Variants in KIAA1549L observed in about 807,000 individuals in gnomAD.
The protein encoded by KIAA1549L is UPF0606 protein KIAA1549L.
In KIAA1549L, 88 loss-of-function variants were observed where a neutral mutation model predicts 160.7. The ratio of observed to expected loss-of-function variants is 0.55; its 90% CI spans 0.46 to 0.65. The LOEUF (loss-of-function observed/expected upper bound fraction) is 0.65, where lower values mean the gene tolerates loss of function less well. KIAA1549L is among the 30% of genes least tolerant of loss of function. The probability of loss-of-function intolerance (pLI) is 0.00; values close to 1 mark genes in which losing one functional copy is unlikely to be tolerated. For missense variants in KIAA1549L, 2,258 were observed against 2,437.5 expected, an observed-to-expected ratio of 0.93 and a Z score of 1.55; for synonymous variants, 950 against 976.7, an observed-to-expected ratio of 0.97 and a Z score of 0.51.
chr11:33,504,795 C>A (rs1565161924), intron 1 of KIAA1549L, among the ~76,000 whole-genome samples: 1 of 152,086 alleles, frequency 6.6e-6, no homozygotes, highest in Non-Finnish European at 1.5e-5. Context: ...TAGACAGGGT[C>A]TTTCTCTGTT....
intron 1 of KIAA1549L, among the ~76,000 whole-genome samples, chr11:33,425,267 A>C (rs1436874927): frequency 6.6e-6 from 1 of 152,106 alleles, no homozygotes; most frequent in East Asian, 1.9e-4. Context: ...CTTGGTCCTC[A>C]AGTCCTATTT....
intron 1 of KIAA1549L, among the ~76,000 whole-genome samples, chr11:33,387,688 A>G (rs1346992228): frequency 6.6e-6 from 1 of 152,174 alleles, no homozygotes; most frequent in East Asian, 1.9e-4. Context: ...GGAAAATTGC[A>G]TTGGTTGCAT....
At chr11:33,667,804 A>C (rs895987394) in intron 20 of KIAA1549L, 69 bp from the exon 21 acceptor site, 3 of 1,397,762 alleles carry the variant, frequency 2.1e-6, no homozygotes, top group South Asian at 2.7e-5. Context: ...TCCAGTGTCA[A>C]GTGTGTCCTG....
chr11:33,623,824 A>G (rs1325462981), intron 16 of KIAA1549L, among the ~76,000 whole-genome samples: 5 of 152,210 alleles, frequency 3.3e-5, no homozygotes, highest in African/African-American at 1.2e-4. Flanking sequence ...CCTATAGGCA[A>G]CTTCCCACTG....
intron 1 of KIAA1549L, among the ~76,000 whole-genome samples, chr11:33,447,648 A>ACAC (rs1565141335): frequency 1.8e-5 from 2 of 110,018 alleles, no homozygotes; most frequent in South Asian, 3.1e-4. Context: ...CACACACACA[A>ACAC]AATTTTAGCA....
At chr11:33,385,798 T>G (rs1056877529) in intron 1 of KIAA1549L, among the ~76,000 whole-genome samples, 20 of 152,162 alleles carry the variant, frequency 1.3e-4, no homozygotes, top group Non-Finnish European at 2.6e-4. Context: ...TAGGTATTCT[T>G]TCTTTTCTCT....
chr11:33,561,748 T>G lies in KIAA1549L; in HGVS notation c.4078+13T>G, dbSNP rs1854865086. On this transcript the variant is annotated intron_variant, in intron 8 of 20. Transcript: ENST00000658780. ...TGGGTAATTACAGGTAATCTCTTAT[T>G]TTGTAATTTCCCCTCTTCATGCTGT... 1 of 1,571,838 alleles carries G rather than the reference T, an allele frequency of 6.4e-7. No individual in the cohort carries two copies. Among genetic ancestry groups the G allele is most frequent in the South Asian group, 1.1e-5 (1 of 89,968 alleles).
intron 16 of KIAA1549L, among the ~76,000 whole-genome samples, chr11:33,628,930 T>C (rs1360990891): frequency 6.6e-6 from 1 of 151,896 alleles, no homozygotes; most frequent in East Asian, 1.9e-4. Context: ...GTACCGGTTG[T>C]TCCTTTCCAT....
At chr11:33,467,998 A>G (rs923703184) in intron 1 of KIAA1549L, among the ~76,000 whole-genome samples, 3 of 152,242 alleles carry the variant, frequency 2.0e-5, no homozygotes, top group Non-Finnish European at 4.4e-5. Flanking sequence ...GCATGTATCT[A>G]CAGCCTTTTC....
intron 12 of KIAA1549L, 65 bp from the exon 13 acceptor site, chr11:33,598,755 A>C: frequency 1.9e-6 from 3 of 1,582,732 alleles, no homozygotes; most frequent in Non-Finnish European, 2.6e-6. Flanking sequence ...CAAATAAAAT[A>C]ACCTTGAGAG....
chr11:33,637,259 C>G (rs1464617632), intron 16 of KIAA1549L, among the ~76,000 whole-genome samples: 1 of 152,254 alleles, frequency 6.6e-6, no homozygotes, highest in Non-Finnish European at 1.5e-5. Flanking sequence ...TCACCTACCC[C>G]TTGTCTGTCC....
At chr11:33,419,185 T>C (rs1214856766) in intron 1 of KIAA1549L, among the ~76,000 whole-genome samples, 1 of 152,194 alleles carries the variant, frequency 6.6e-6, no homozygotes, top group Non-Finnish European at 1.5e-5. Flanking sequence ...CCTACATTTC[T>C]TTATGGTTTT....
At chr11:33,567,668 C>T (rs1855094387) in intron 8 of KIAA1549L, among the ~76,000 whole-genome samples, 1 of 152,208 alleles carries the variant, frequency 6.6e-6, no homozygotes, top group African/African-American at 2.4e-5. Flanking sequence ...ACCCGTTAGC[C>T]ATACCTACAG....
intron 16 of KIAA1549L, among the ~76,000 whole-genome samples, chr11:33,639,996 A>G (rs928960033): frequency 1.4e-4 from 21 of 152,226 alleles, no homozygotes; most frequent in Admixed American, 9.8e-4. Flanking sequence ...CTATACATTT[A>G]TTTATTGATG....
chr11:33,630,316 A>T (rs1246869918), intron 16 of KIAA1549L, among the ~76,000 whole-genome samples: 1 of 152,218 alleles, frequency 6.6e-6, no homozygotes, highest in Non-Finnish European at 1.5e-5. Context: ...ACCCAGTTCG[A>T]GCTTCCCGGC....
intron 1 of KIAA1549L, among the ~76,000 whole-genome samples, chr11:33,528,171 C>G (rs1565170084): frequency 6.6e-6 from 1 of 152,140 alleles, no homozygotes. Flanking sequence ...TCAGGTATGT[C>G]TTTATTAGTA....
At chr11:33,617,916 C>CGGAT (rs557656440) in intron 15 of KIAA1549L, among the ~76,000 whole-genome samples, 41 of 147,018 alleles carry the variant, frequency 2.8e-4, no homozygotes, top group Admixed American at 4.1e-4. Context: ...GACGGATGGA[C>CGGAT]GGATGGATGG....
At chr11:33,401,843 C>T (rs909735017) in intron 1 of KIAA1549L, among the ~76,000 whole-genome samples, 1 of 152,180 alleles carries the variant, frequency 6.6e-6, no homozygotes, top group African/African-American at 2.4e-5. Flanking sequence ...AGGGCCCTAG[C>T]AGCAAGAGGA....
chr11:33,578,763 C>T (rs184267288), intron 10 of KIAA1549L, among the ~76,000 whole-genome samples: 127 of 152,292 alleles, frequency 8.3e-4, no homozygotes, highest in African/African-American at 2.9e-3. Flanking sequence ...CTGCATGTTC[C>T]CTCTTCCTTG....
Sources: allele counts gnomAD v4.1 joint callset (sites outside exome capture counted in the v4.1 genomes callset), GRCh38; gene constraint gnomAD v4.1.1; transcripts MANE v1.5; gene names NCBI Gene and HGNC (gene_info 2026-07-23, HGNC 2026-07-21).